Variants in DNAH7 observed in about 807,000 individuals in gnomAD.
DNAH7 encodes the protein axonemal beta dynein heavy chain 7.
Under a neutral mutation model 444.6 loss-of-function variants are expected in DNAH7, and 397 were observed. The ratio of observed to expected loss-of-function variants is 0.89; its 90% confidence interval spans 0.82 to 0.97. The LOEUF is 0.97. DNAH7 is among the 50% of genes least tolerant of loss of function. The probability of loss-of-function intolerance (pLI) is 0.00; values close to 1 mark genes in which losing one functional copy is unlikely to be tolerated. For missense variants in DNAH7, 4,902 were observed against 4,800.8 expected (o/e 1.02, Z -0.62); for synonymous variants, 1,636 against 1,624.4 (o/e 1.01, Z -0.17).
At chr2:195,952,299 T>C (rs544707094) in intron 19 of DNAH7, among the ~76,000 whole-genome samples, 5 of 152,348 alleles carry the variant, frequency 3.3e-5, no homozygotes, top group South Asian at 2.1e-4. Context: ...CAGAGAGATC[T>C]GCTGTTAGTT....
At chr2:195,781,901 A>G in intron 58 of DNAH7, among the ~76,000 whole-genome samples, 1 of 151,546 alleles carries the variant, frequency 6.6e-6, no homozygotes, top group East Asian at 1.9e-4. Flanking sequence ...GTCCAGGCAC[A>G]TATGCCCCAG....
chr2:195,948,494 TCAG>T (rs1689981292), intron 19 of DNAH7, among the ~76,000 whole-genome samples: 1 of 152,200 alleles, frequency 6.6e-6, no homozygotes, highest in African/African-American at 2.4e-5. Context: ...GGGTCCAGTT[TCAG>T]TTTTCTGCCT....
intron 17 of DNAH7, among the ~76,000 whole-genome samples, chr2:195,964,710 CAA>C (rs60376875): frequency 1.6e-5 from 2 of 127,432 alleles, no homozygotes; most frequent in African/African-American, 3.1e-5. Context: ...ACTAAAAATA[CAA>C]AAAAAAAAAA....
At chr2:195,881,000 T>G (rs960841049) in intron 36 of DNAH7, among the ~76,000 whole-genome samples, 1 of 152,080 alleles carries the variant, frequency 6.6e-6, no homozygotes, top group Non-Finnish European at 1.5e-5. Context: ...TTTAGTTTTT[T>G]TTTTTTTTTA....
chr2:195,908,105 G>A (rs536592705), intron 25 of DNAH7, among the ~76,000 whole-genome samples: 2 of 151,846 alleles, frequency 1.3e-5, no homozygotes, highest in African/African-American at 2.4e-5. Flanking sequence ...GAATGAAGAC[G>A]GTCATTACAT....
chr2:195,773,431 A>T (rs917145504), intron 60 of DNAH7, among the ~76,000 whole-genome samples: 11 of 151,558 alleles, frequency 7.3e-5, no homozygotes, highest in Admixed American at 2.0e-4. Context: ...AAAAAAAAAA[A>T]ACAAATCCAG....
At chr2:195,878,429 A>G (rs893395937) in intron 36 of DNAH7, among the ~76,000 whole-genome samples, 1 of 151,942 alleles carries the variant, frequency 6.6e-6, no homozygotes, top group African/African-American at 2.4e-5. Context: ...CCACATAGCA[A>G]GATCCCACTT....
intron 12 of DNAH7, among the ~76,000 whole-genome samples, 191 bp from the exon 13 acceptor site, chr2:195,988,420 A>G (rs151059412): frequency 1.2e-4 from 19 of 152,088 alleles, no homozygotes; most frequent in African/African-American, 4.3e-4. Flanking sequence ...AGGTTCATAT[A>G]ATTTTTTGTT....
At chr2:195,970,275 T>C (rs1294822583) in intron 16 of DNAH7, among the ~76,000 whole-genome samples, 181 bp from the exon 17 acceptor site, 1 of 152,216 alleles carries the variant, frequency 6.6e-6, no homozygotes, top group East Asian at 1.9e-4. Context: ...TTTAAATTAA[T>C]GGATTTAGAT....
chr2:195,791,853 G>A (rs1695891807), intron 57 of DNAH7, among the ~76,000 whole-genome samples: 1 of 152,116 alleles, frequency 6.6e-6, no homozygotes, highest in Non-Finnish European at 1.5e-5. Flanking sequence ...GCTAAACATT[G>A]GGTAAACACA....
chr2:195,880,392 G>C (rs190871393), intron 36 of DNAH7, among the ~76,000 whole-genome samples: 95 of 145,704 alleles, frequency 6.5e-4, no homozygotes, highest in Non-Finnish European at 1.2e-3. Context: ...GCAGTGGCGC[G>C]ATCTCGGCTC....
intron 5 of DNAH7, among the ~76,000 whole-genome samples, chr2:196,031,109 T>G (rs909325492): frequency 5.9e-5 from 9 of 152,344 alleles, no homozygotes; most frequent in African/African-American, 2.2e-4. Flanking sequence ...TCCATACATC[T>G]TCTGAAATCT....
At chr2:195,926,105 T>C (rs1688314757) in intron 22 of DNAH7, among the ~76,000 whole-genome samples, 3 of 152,132 alleles carry the variant, frequency 2.0e-5, no homozygotes, top group Admixed American at 2.0e-4. Flanking sequence ...TGCTAATCTT[T>C]ATGAGTTTCT....
intron 8 of DNAH7, among the ~76,000 whole-genome samples, chr2:196,021,288 C>T (rs764244352): frequency 7.2e-5 from 11 of 152,112 alleles, no homozygotes; most frequent in East Asian, 1.9e-4. Context: ...ACCTATCGAT[C>T]CATCAACTCA....
At position 195,987,089 on chromosome 2, in the gene DNAH7, T is replaced by C; in HGVS notation, c.1731A>G (p.Arg577=). ...ICGKLLAKMF[R]DHQEVNTRLC... The stretch of plus-strand genomic sequence containing the variant: ...ACCTTGTATTTACTTCCTGATGATC[T>C]CTGAACATTTTAGCTAGAAGTTTCC... The change falls in exon 14 of 65, where the codon AGA becomes AGG. Residue 577 remains arginine (R), a synonymous_variant. Coordinates refer to ENST00000312428, the MANE Select transcript of DNAH7 (RefSeq NM_018897.3). 6.2e-7 allele frequency: 1 copy of C among 1,603,634 alleles called. No homozygotes were observed. Among genetic ancestry groups the C allele is most frequent in the Non-Finnish European group, 8.5e-7 (1 of 1,177,290 alleles).
intron 19 of DNAH7, among the ~76,000 whole-genome samples, chr2:195,949,934 G>A (rs924173038): frequency 1.2e-4 from 18 of 152,290 alleles, no homozygotes; most frequent in African/African-American, 3.8e-4. Flanking sequence ...AACTAGCCTT[G>A]CATCCCAGGG....
intron 46 of DNAH7, 32 bp from the exon 47 acceptor site, chr2:195,845,197 G>T: frequency 6.4e-7 from 1 of 1,552,784 alleles, no homozygotes. Context: ...ATAAAGAAAT[G>T]AGACTGGAGG....
intron 19 of DNAH7, among the ~76,000 whole-genome samples, chr2:195,939,604 G>A (rs1287918371): frequency 6.6e-6 from 1 of 152,022 alleles, no homozygotes; most frequent in South Asian, 2.1e-4. Flanking sequence ...ATTACTTTCT[G>A]TCTCCTAAAG....
At chr2:195,930,462 G>A (rs1688616525) in intron 21 of DNAH7, among the ~76,000 whole-genome samples, 1 of 152,006 alleles carries the variant, frequency 6.6e-6, no homozygotes, top group Non-Finnish European at 1.5e-5. Flanking sequence ...ATATAAATCA[G>A]TACCAAAATG....
Sources: gnomAD v4.1 joint callset for allele counts (sites outside exome capture counted in the v4.1 genomes callset) on GRCh38, gnomAD v4.1.1 for gene constraint, MANE v1.5 for transcripts, NCBI Gene and HGNC (gene_info 2026-07-23, HGNC 2026-07-21) for gene names.